The following OR52N5 variants were observed in gnomAD, a reference collection of about 807,000 sequenced individuals.
OR52N5 encodes the protein olfactory receptor 52N5.
In OR52N5, 10 loss-of-function variants were observed where a neutral mutation model predicts 14.1. That is an observed-to-expected ratio of 0.71 (90% CI 0.44 to 1.20). The LOEUF (loss-of-function observed/expected upper bound fraction) is 1.20, where lower values mean the gene tolerates loss of function less well. Among genes scored for constraint, OR52N5 ranks in the 50% most tolerant of loss-of-function variants. The pLI, the probability that OR52N5 is intolerant of heterozygous loss-of-function variation, is 0.00. For synonymous variants in OR52N5, 116 were observed against 143.0 expected, an observed-to-expected ratio of 0.81 and a Z score of 1.35; for missense variants, 361 against 403.2, an observed-to-expected ratio of 0.90 and a Z score of 0.90.
rs141513184 is a variant in OR52N5 at position 5,779,589 on chromosome 11, A to G, written c.-23-932T>C. On this transcript the variant is annotated intron_variant, in intron 2 of 2. Transcript: ENST00000641181. ...ACTCTTATGACCTCAAGTATAACCA[A>G]CATGAAGATAATTTTCAGATAATTA... 6.0e-3 allele frequency among the ~76,000 whole-genome samples: 835 copies of G among 140,134 alleles called. 132 individuals are homozygous for G. The highest frequency in any genetic ancestry group is 0.021 in the African/African-American group (790 of 38,366). 91.9% of individuals were successfully genotyped at this position (140,134 alleles called of 152,430 possible). A position where few individuals can be genotyped will look rare whatever the true frequency, so the allele number is the denominator to read the frequency against.
rs1400976357 is a variant in OR52N5 at position 5,778,462 on chromosome 11, T to C, written c.173A>G (p.Tyr58Cys). Reference protein sequence around the residue: ...VGNLGLVYLIYYEESLHHPMY... With the variant: ...VGNLGLVYLICYEESLHHPMY... ...CGGATGATGTAAGGACTCCTCATAA[T>C]AAATGAGGTACACAAGACCAAGATT... Residue 58 changes from tyrosine (Y) to cysteine (C), a missense_variant, in exon 3 of 3, where the codon TAT (tyrosine) becomes TGT (cysteine). By Grantham distance (194) the Tyr-to-Cys change is radical. Transcript: ENST00000641181. 6.6e-7 allele frequency: 1 copy of C among 1,511,636 alleles called. No individual in the cohort carries two copies. Among genetic ancestry groups the C allele is most frequent in the African/African-American group, 1.4e-5 (1 of 69,610 alleles). 93.6% of individuals were successfully genotyped at this position (1,511,636 alleles called of 1,614,324 possible). A position where few individuals can be genotyped will look rare whatever the true frequency, so the allele number is the denominator to read the frequency against.
At position 5,777,777 on chromosome 11, in the gene OR52N5, C is replaced by T. The variant is rs1330353476; in HGVS notation, c.858G>A (p.Val286=). ...GGGGAAGAAGAAGATAAAGATTAGCCACAATGATGTGAAGAGAAGGGGGAA... is the reference window on the plus strand; with the variant it reads ...GGGGAAGAAGAAGATAAAGATTAGCTACAATGATGTGAAGAGAAGGGGGAA... The part of the protein sequence containing the change: ...HTIPPSLHII[V]ANLYLLLPPT... The change falls in exon 3 of 3, where the codon GTG becomes GTA. Residue 286 remains valine (V), a synonymous_variant. Coordinates refer to ENST00000641181, the MANE Select transcript of OR52N5 (RefSeq NM_001385662.1). 2.6e-6 allele frequency: 4 copies of T among 1,520,308 alleles called. 1 individual carries two copies. The highest frequency in any genetic ancestry group is 1.2e-5 in the South Asian group (1 of 85,796). The allele number at this position is 1,520,308 out of a possible 1,614,324, so 94.2% of individuals were successfully genotyped here.
intron 2 of OR52N5, among the ~76,000 whole-genome samples, chr11:5,779,228 G>T (rs1854529466): frequency 7.1e-6 from 1 of 139,924 alleles, no homozygotes; most frequent in Non-Finnish European, 1.6e-5. Context: ...TCTTAAATGG[G>T]AAGCAGGTGA....
In OR52N5 at chr11:5,776,594, T is replaced by C. The variant is rs1158684165; in HGVS notation, c.*1066A>G. ...AGTTTAAGAATATATCCAAGATGAA[T>C]ATATTAGATAAAAGTTGTGTGAATT... On this transcript the variant is annotated 3_prime_UTR_variant, in exon 3 of 3. Coordinates refer to ENST00000641181, the MANE Select transcript of OR52N5 (RefSeq NM_001385662.1). 7.1e-6 allele frequency: 1 copy of C among 140,700 alleles called. No homozygotes were observed. The highest frequency in any genetic ancestry group is 1.6e-5 in the Non-Finnish European group (1 of 63,550). The allele number at this position is 140,700 out of a possible 1,614,324, so 8.7% of individuals were successfully genotyped here. A position where few individuals can be genotyped will look rare whatever the true frequency, so the allele number is the denominator to read the frequency against.
At position 5,778,394 on chromosome 11, in the gene OR52N5, G is replaced by A. The variant is rs1854518444; in HGVS notation, c.241C>T (p.Leu81Phe). The A allele has an allele frequency of 3.3e-6, 5 of 1,519,846 alleles. 1 individual carries two copies. In the African/African-American group the frequency reaches 4.3e-5, roughly 13 times the overall value. 94.1% of individuals were successfully genotyped at this position (1,519,846 alleles called of 1,614,324 possible). The change falls in exon 3 of 3, where the codon CTT becomes TTT. Residue 81 changes from leucine to phenylalanine, a missense_variant. Physicochemically the swap from Leu to Phe is conservative, Grantham distance 22. Coordinates refer to ENST00000641181, the MANE Select transcript of OR52N5 (RefSeq NM_001385662.1). ...TTGGGTAGAGTGGTGGTGCAGGTAA[G>A]GAGGTCAATGAGGGAGAGAGCATGG... ...FGHALSLIDL[L>F]TCTTTLPNAL... is the part of the protein sequence containing the mutation.
chr11:5,778,247 C>A lies in OR52N5; in HGVS notation c.388G>T (p.Asp130Tyr). 1 of 1,520,406 alleles carries A rather than the reference C, an allele frequency of 6.6e-7. No individual in the cohort carries two copies. Among genetic ancestry groups the A allele is most frequent in the African/African-American group, 1.4e-5 (1 of 69,988 alleles). The allele number at this position is 1,520,406 out of a possible 1,614,324, so 94.2% of individuals were successfully genotyped here. ...ESGVLMLMAL[D>Y]RYVAICYPLR... ...GGGTAGCAAATGGCTACATAGCGGT[C>A]TAGAGCCATGAGCATGAGCACCCCA... The change falls in exon 3 of 3, where the codon GAC (aspartate) becomes TAC (tyrosine). Residue 130 changes from aspartate to tyrosine, a missense_variant. Transcript: ENST00000641181.
chr11:5,777,535 G>T lies in OR52N5; in HGVS notation c.*125C>A, dbSNP rs955016118. On this transcript the variant is annotated 3_prime_UTR_variant, in exon 3 of 3. Transcript: ENST00000641181. ...TATAAATTTCCCCAAAACAGTTTCA[G>T]AAAACATAGACTGAGAGAGAAAATG... is the stretch of plus-strand genomic sequence containing the variant. 2.9e-5 allele frequency: 22 copies of T among 770,944 alleles called. 1 individual carries two copies. Among genetic ancestry groups the T allele is most frequent in the Non-Finnish European group, 3.7e-5 (20 of 540,614 alleles). 47.8% of individuals were successfully genotyped at this position (770,944 alleles called of 1,614,324 possible). A position where few individuals can be genotyped will look rare whatever the true frequency, so the allele number is the denominator to read the frequency against.
intron 2 of OR52N5, among the ~76,000 whole-genome samples, chr11:5,779,722 A>G (rs1854533912): frequency 7.2e-6 from 1 of 139,438 alleles, no homozygotes; most frequent in South Asian, 2.4e-4. Context: ...CTAAGACTAC[A>G]CTTATTGCTT....
At chr11:5,781,330 C>A (rs1222976403) in intron 2 of OR52N5, among the ~76,000 whole-genome samples, 1 of 139,856 alleles carries the variant, frequency 7.2e-6, no homozygotes, top group Non-Finnish European at 1.6e-5. Context: ...GCATTGCAGT[C>A]ATTGTGAAGG....
chr11:5,777,544 G>C lies in OR52N5; in HGVS notation c.*116C>G. 2 of 811,334 alleles carry C rather than the reference G, an allele frequency of 2.5e-6. 1 individual carries two copies. The allele number at this position is 811,334 out of a possible 1,614,324, so 50.3% of individuals were successfully genotyped here. A position where few individuals can be genotyped will look rare whatever the true frequency, so the allele number is the denominator to read the frequency against. On this transcript the variant is annotated 3_prime_UTR_variant, in exon 3 of 3. Transcript: ENST00000641181. ...CCCCAAAACAGTTTCAGAAAACATA[G>C]ACTGAGAGAGAAAATGTATGATACT...
At position 5,778,490 on chromosome 11, in the gene OR52N5, C is replaced by T; in HGVS notation, c.145G>A (p.Gly49Arg). 1 of 1,518,034 alleles carries T rather than the reference C, an allele frequency of 6.6e-7. No homozygotes were observed. The highest frequency in any genetic ancestry group is 2.3e-5 in the East Asian group (1 of 42,850). 94.0% of individuals were successfully genotyped at this position (1,518,034 alleles called of 1,614,324 possible). A position where few individuals can be genotyped will look rare whatever the true frequency, so the allele number is the denominator to read the frequency against. ...ATGAGGTACACAAGACCAAGATTCC[C>T]CACAAGGAAGATGATGTACATTGTG... ...LCTMYIIFLV[G>R]NLGLVYLIYY... Residue 49 changes from glycine (G) to arginine (R), a missense_variant, in exon 3 of 3, where the codon GGG (glycine) becomes AGG (arginine). Coordinates refer to ENST00000641181, the MANE Select transcript of OR52N5 (RefSeq NM_001385662.1).
At position 5,782,211 on chromosome 11, in the gene OR52N5, A is replaced by AT. The variant is rs1554950938; in HGVS notation, c.-247-456_-247-455insA. Among the ~76,000 whole-genome samples, 412 of 139,384 alleles carry AT rather than the reference A, an allele frequency of 3.0e-3. 65 individuals are homozygous for AT. The highest frequency in any genetic ancestry group is 0.011 in the African/African-American group (401 of 38,150). 91.4% of individuals were successfully genotyped at this position (139,384 alleles called of 152,430 possible). A position where few individuals can be genotyped will look rare whatever the true frequency, so the allele number is the denominator to read the frequency against. On this transcript the variant is annotated intron_variant, in intron 1 of 2. Transcript: ENST00000641181. The stretch of plus-strand genomic sequence containing the variant: ...ACATATTTCATTTGTAAAATTAAAA[A>AT]ATATATATATATTATCGACTGTATC...
rs1430689974 is a variant in OR52N5 at position 5,779,144 on chromosome 11, C to G, written c.-23-487G>C. 2.1e-5 allele frequency among the ~76,000 whole-genome samples: 3 copies of G among 139,824 alleles called. 1 individual carries two copies. The highest frequency in any genetic ancestry group is 4.7e-5 in the Non-Finnish European group (3 of 63,290). 91.7% of individuals were successfully genotyped at this position (139,824 alleles called of 152,430 possible). A position where few individuals can be genotyped will look rare whatever the true frequency, so the allele number is the denominator to read the frequency against. ...TATTTCTACCAAATAGCACATTATT[C>G]ATATTTCAGTTTTTTCTATACTAAC... On this transcript the variant is annotated intron_variant, in intron 2 of 2. Transcript: ENST00000641181.
rs1854511237 is a variant in OR52N5, at chr11:5,777,979, T to C, written c.656A>G (p.Asp219Gly). 6.6e-7 allele frequency: 1 copy of C among 1,519,626 alleles called. No homozygotes were observed. The highest frequency in any genetic ancestry group is 9.0e-7 in the Non-Finnish European group (1 of 1,112,940). 94.1% of individuals were successfully genotyped at this position (1,519,626 alleles called of 1,614,324 possible). ...LMVALLIGVF[D>G]ICCISLSYTL... Reference sequence around the variant, plus strand: ...GTAAGACAAAGATATACAACAAATGTCAAACACTCCAATCAGGAGAGCAAC... The same window carrying C: ...GTAAGACAAAGATATACAACAAATGCCAAACACTCCAATCAGGAGAGCAAC... The change falls in exon 3 of 3, where the codon GAC (aspartate) becomes GGC (glycine). Residue 219 changes from aspartate (D) to glycine (G), a missense_variant. Transcript: ENST00000641181.
At chr11:5,783,199 C>T (rs10769216) in intron 1 of OR52N5, 96 bp downstream of exon 1, 119,932 of 137,876 alleles carry the variant, frequency 0.87, 55,397 homozygotes, top group Middle Eastern at 0.96. Flanking sequence ...ACATTTTCTG[C>T]AAGTCAGTGT....
chr11:5,777,781 A>G lies in OR52N5; in HGVS notation c.854T>C (p.Ile285Thr), dbSNP rs745632919. The part of the protein sequence containing the change: ...GHTIPPSLHI[I>T]VANLYLLLPP... ...AAGAAGAAGATAAAGATTAGCCACA[A>G]TGATGTGAAGAGAAGGGGGAATTGT... The change falls in exon 3 of 3, where the codon ATT becomes ACT. Residue 285 changes from isoleucine to threonine, a missense_variant. By Grantham distance (89) the Ile-to-Thr change is moderately conservative. Coordinates refer to ENST00000641181, the MANE Select transcript of OR52N5 (RefSeq NM_001385662.1). 45 of 1,520,920 alleles carry G rather than the reference A, an allele frequency of 3.0e-5. 9 individuals carry two copies. Among genetic ancestry groups the G allele is most frequent in the African/African-American group, 5.7e-5 (4 of 69,962 alleles). 94.2% of individuals were successfully genotyped at this position (1,520,920 alleles called of 1,614,324 possible). A position where few individuals can be genotyped will look rare whatever the true frequency, so the allele number is the denominator to read the frequency against.
Position 5,778,436 on chromosome 11 carries a change from T to A in OR52N5, c.199A>T (p.Met67Leu), listed in dbSNP as rs1461688510. The change falls in exon 3 of 3, where the codon ATG becomes TTG. Residue 67 changes from methionine (M) to leucine (L), a missense_variant. Transcript: ENST00000641181. ...AGAGCATGGCCAAAAAAAAAATACATCGGATGATGTAAGGACTCCTCATAA... is the reference window on the plus strand; with the variant it reads ...AGAGCATGGCCAAAAAAAAAATACAACGGATGATGTAAGGACTCCTCATAA... Reference protein sequence around the residue: ...IYYEESLHHPMYFFFGHALSL... With the variant: ...IYYEESLHHPLYFFFGHALSL... 1 of 1,513,780 alleles carries A rather than the reference T, an allele frequency of 6.6e-7. No individual in the cohort carries two copies. The highest frequency in any genetic ancestry group is 1.8e-5 in the Admixed American group (1 of 55,200). The allele number at this position is 1,513,780 out of a possible 1,614,324, so 93.8% of individuals were successfully genotyped here.
rs1365505896 is a variant in OR52N5, at chr11:5,778,091, T to C, written c.544A>G (p.Ile182Val). The C allele has an allele frequency of 2.0e-6, 3 of 1,519,326 alleles. No individual in the cohort carries two copies. Among genetic ancestry groups the C allele is most frequent in the African/African-American group, 1.4e-5 (1 of 70,056 alleles). 94.1% of individuals were successfully genotyped at this position (1,519,326 alleles called of 1,614,324 possible). The change falls in exon 3 of 3, where the codon ATT becomes GTT. Residue 182 changes from isoleucine (I) to valine (V), a missense_variant. By Grantham distance (29) the Ile-to-Val change is conservative. Transcript: ENST00000641181. The part of the protein sequence containing the change: ...VKRLPFCQSN[I>V]ISHTYCDHMS... ...TGGTCGCAGTACGTATGGGAGATAA[T>C]ATTGCTTTGGCAGAAAGGCAAACGC...
chr11:5,777,862 A>G lies in OR52N5; in HGVS notation c.773T>C (p.Ile258Thr). 6.6e-7 allele frequency: 1 copy of G among 1,520,116 alleles called. No homozygotes were observed. The highest frequency in any genetic ancestry group is 9.0e-7 in the Non-Finnish European group (1 of 1,113,618). The allele number at this position is 1,520,116 out of a possible 1,614,324, so 94.2% of individuals were successfully genotyped here. A position where few individuals can be genotyped will look rare whatever the true frequency, so the allele number is the denominator to read the frequency against. ...GAAGAATGCTGGAACATAGGTGATG[A>G]TGATGGCAGATATATGGGCAGTGCA... is the stretch of plus-strand genomic sequence containing the variant. ...STCTAHISAI[I>T]ITYVPAFFTF... The change falls in exon 3 of 3, where the codon ATC (isoleucine) becomes ACC (threonine). Residue 258 changes from isoleucine to threonine, a missense_variant. Ile to Thr is a moderately conservative substitution (Grantham distance 89). Transcript: ENST00000641181.
Sources: allele counts gnomAD v4.1 joint callset (sites outside exome capture counted in the v4.1 genomes callset), GRCh38; gene constraint gnomAD v4.1.1; transcripts MANE v1.5; gene names NCBI Gene and HGNC (gene_info 2026-07-23, HGNC 2026-07-21).